ASXL3: variants seen among roughly 807,000 people sequenced by gnomAD.
The protein encoded by ASXL3 is ASXL transcriptional regulator 3.
In ASXL3, 34 loss-of-function variants were observed where a neutral mutation model predicts 170.6. That is an observed-to-expected ratio of 0.20 (90% CI 0.15 to 0.27). ASXL3 has a LOEUF of 0.27. ASXL3 is among the 10% of genes least tolerant of loss of function. The probability of loss-of-function intolerance (pLI) is 1.00; values close to 1 mark genes in which losing one functional copy is unlikely to be tolerated. For missense variants in ASXL3, 2,592 were observed against 2,695.3 expected (o/e 0.96, Z 0.85); for synonymous variants, 1,002 against 989.1 (o/e 1.01, Z -0.24).
chr18:33,727,792 AAAATT>A (rs555748666), intron 8 of ASXL3, among the ~76,000 whole-genome samples: 13 of 152,330 alleles, frequency 8.5e-5, no homozygotes, highest in Non-Finnish European at 7.4e-5. Flanking sequence ...TAAAACCCAT[AAAATT>A]AATCGTGTAT....
intron 1 of ASXL3, among the ~76,000 whole-genome samples, chr18:33,589,277 T>C (rs2065059098): frequency 6.6e-6 from 1 of 152,178 alleles, no homozygotes; most frequent in Non-Finnish European, 1.5e-5. Flanking sequence ...TGTAGCGTAG[T>C]TTTGTGTCTG....
At chr18:33,584,490 A>C (rs751233259) in intron 1 of ASXL3, among the ~76,000 whole-genome samples, 2 of 152,168 alleles carry the variant, frequency 1.3e-5, no homozygotes, top group African/African-American at 2.4e-5. Flanking sequence ...GTATTTGTAC[A>C]GTGATGGGGG....
chr18:33,671,897 A>G, intron 7 of ASXL3, 31 bp downstream of exon 7: 1 of 1,455,774 alleles, frequency 6.9e-7, no homozygotes, highest in Non-Finnish European at 9.1e-7. Context: ...GCCATTTCAC[A>G]TTTTAGAAAT....
chr18:33,699,106 A>AGAGAGACACAGAGAGG (rs1281094522), intron 8 of ASXL3, among the ~76,000 whole-genome samples: 3 of 152,176 alleles, frequency 2.0e-5, no homozygotes, highest in African/African-American at 7.2e-5. Flanking sequence ...ACTTTTCAAA[A>AGAGAGACACAGAGAGG]GAGAGACACA....
At position 33,743,929 on chromosome 18, in the gene ASXL3, C is replaced by A; in HGVS notation, c.4081C>A (p.Pro1361Thr). ...PNLSTSSVLI[P>T]PMGINNRFPS... is the part of the protein sequence containing the mutation. Reference sequence around the variant, plus strand: ...CCTCTCCACTAGCTCTGTCTTGATTCCCCCAATGGGAATTAACAACAGATT... The same window carrying A: ...CCTCTCCACTAGCTCTGTCTTGATTACCCCAATGGGAATTAACAACAGATT... The change falls in exon 12 of 12, where the codon CCC becomes ACC. Residue 1361 changes from proline (P) to threonine (T), a missense_variant. Around this residue, in one of 4 missense-constraint regions of ASXL3, gnomAD observed 2,246 missense variants for 2,219.6 expected, o/e 1.01. Coordinates refer to ENST00000269197, the MANE Select transcript of ASXL3 (RefSeq NM_030632.3). 4 of 1,613,988 alleles carry A rather than the reference C, an allele frequency of 2.5e-6. No homozygotes were observed. Among genetic ancestry groups the A allele is most frequent in the Middle Eastern group, 1.6e-4 (1 of 6,062 alleles).
At position 33,609,022 on chromosome 18, in the gene ASXL3, C is replaced by T. The variant is rs777567914; in HGVS notation, c.137+1346C>T. The T allele has an allele frequency of 8.3e-5, 82 of 984,458 alleles. 1 individual carries two copies. The highest frequency in any genetic ancestry group is 6.8e-4 in the Admixed American group (11 of 16,170). The allele number at this position is 984,458 out of a possible 1,614,324, so 61.0% of individuals were successfully genotyped here. The stretch of plus-strand genomic sequence containing the variant: ...GAAATAGCCTAAGATAATATAACCA[C>T]GCTGTGTTTGTGCTAGTTGTTCCCC... On this transcript the variant is annotated intron_variant, in intron 2 of 11. Transcript: ENST00000269197.
At position 33,743,980 on chromosome 18, in the gene ASXL3, G is replaced by C. The variant is rs1262169829; in HGVS notation, c.4132G>C (p.Gly1378Arg). 3.1e-5 allele frequency: 50 copies of C among 1,613,888 alleles called. No individual in the cohort carries two copies. The highest frequency in any genetic ancestry group is 4.2e-5 in the Non-Finnish European group (49 of 1,179,904). Residue 1378 changes from glycine (G) to arginine (R), a missense_variant, in exon 12 of 12, where the codon GGG (glycine) becomes CGG (arginine). Coordinates refer to ENST00000269197, the MANE Select transcript of ASXL3 (RefSeq NM_030632.3). ...RFPSEKIAIP[G>R]SEEQATVSMG... Reference sequence around the variant, plus strand: ...TCCTTCTGAGAAGATAGCCATACCTGGGAGTGAAGAACAGGCCACTGTATC... The same window carrying C: ...TCCTTCTGAGAAGATAGCCATACCTCGGAGTGAAGAACAGGCCACTGTATC...
At chr18:33,681,915 T>C (rs1209381888) in intron 7 of ASXL3, among the ~76,000 whole-genome samples, 1 of 152,218 alleles carries the variant, frequency 6.6e-6, no homozygotes, top group South Asian at 2.1e-4. Context: ...CTCAATAATT[T>C]TTCCCCTGTT....
At chr18:33,687,552 C>A (rs1432824810) in intron 8 of ASXL3, among the ~76,000 whole-genome samples, 1 of 152,150 alleles carries the variant, frequency 6.6e-6, no homozygotes, top group African/African-American at 2.4e-5. Flanking sequence ...CTAAAAGGGC[C>A]TCCTACTCTG....
At chr18:33,581,934 C>A (rs1427094845) in intron 1 of ASXL3, among the ~76,000 whole-genome samples, 5 of 152,012 alleles carry the variant, frequency 3.3e-5, no homozygotes, top group African/African-American at 1.2e-4. Context: ...CTTTTTTTCC[C>A]CTTCTTTTTT....
intron 2 of ASXL3, among the ~76,000 whole-genome samples, chr18:33,642,923 G>A (rs1006817717): frequency 6.6e-6 from 1 of 151,948 alleles, no homozygotes; most frequent in East Asian, 1.9e-4. Context: ...CTGAATCTGA[G>A]TTGTTGGAAT....
At position 33,599,921 on chromosome 18, in the gene ASXL3, G is replaced by A. The variant is rs72958101; in HGVS notation, c.55-7673G>A. On this transcript the variant is annotated intron_variant, in intron 1 of 11. Coordinates refer to ENST00000269197, the MANE Select transcript of ASXL3 (RefSeq NM_030632.3). ...TTTTAGTTGAGTGACAATGTGAGGT[G>A]GCTGCTGAAAAAAAGCACGTCATAT... Among the ~76,000 whole-genome samples, 1,202 of 152,046 alleles carry A rather than the reference G, an allele frequency of 7.9e-3. 14 individuals carry two copies. Among genetic ancestry groups the A allele is most frequent in the South Asian group, 0.051 (248 of 4,824 alleles).
intron 8 of ASXL3, among the ~76,000 whole-genome samples, chr18:33,706,566 G>T (rs2066963441): frequency 6.6e-6 from 1 of 151,792 alleles, no homozygotes. Context: ...GTTTTAGTTT[G>T]CATTTATCTG....
At chr18:33,687,284 T>C (rs1413321149) in intron 8 of ASXL3, among the ~76,000 whole-genome samples, 1 of 152,194 alleles carries the variant, frequency 6.6e-6, no homozygotes, top group Non-Finnish European at 1.5e-5. Flanking sequence ...AAACTGCTGC[T>C]GTTTTAGTCT....
In ASXL3 at chr18:33,748,914, A is replaced by T. The variant is rs551260764; in HGVS notation, c.*2319A>T. 6.6e-6 allele frequency: 1 copy of T among 152,284 alleles called. No homozygotes were observed. Among genetic ancestry groups the T allele is most frequent in the East Asian group, 1.9e-4 (1 of 5,174 alleles). 9.4% of individuals were successfully genotyped at this position (152,284 alleles called of 1,614,324 possible). A position where few individuals can be genotyped will look rare whatever the true frequency, so the allele number is the denominator to read the frequency against. On this transcript the variant is annotated 3_prime_UTR_variant, in exon 12 of 12. Transcript: ENST00000269197. ...CTGATGAGATACTGAGCTCATTATC[A>T]GTTCCTTCATTGTTGAATACTGCCT...
intron 8 of ASXL3, among the ~76,000 whole-genome samples, chr18:33,723,939 AG>A (rs528933820): frequency 2.2e-3 from 342 of 152,326 alleles, no homozygotes; most frequent in Non-Finnish European, 3.5e-3. Context: ...CTGAAAGCTC[AG>A]ATTACTGTTA....
At chr18:33,704,882 G>A (rs1354371536) in intron 8 of ASXL3, among the ~76,000 whole-genome samples, 1 of 151,860 alleles carries the variant, frequency 6.6e-6, no homozygotes, top group East Asian at 1.9e-4. Context: ...AAGTGGTTCA[G>A]TTTACCCAGT....
At chr18:33,693,428 G>T (rs2066718775) in intron 8 of ASXL3, among the ~76,000 whole-genome samples, 1 of 152,180 alleles carries the variant, frequency 6.6e-6, no homozygotes, top group South Asian at 2.1e-4. Context: ...GAAGAAAAAA[G>T]TATTGATTTC....
At position 33,646,367 on chromosome 18, in the gene ASXL3, A is replaced by G; in HGVS notation, c.355+14A>G. The G allele has an allele frequency of 6.4e-7, 1 of 1,555,948 alleles. No individual in the cohort carries two copies. The highest frequency in any genetic ancestry group is 8.8e-7 in the Non-Finnish European group (1 of 1,131,928). On this transcript the variant is annotated intron_variant, in intron 4 of 11. Transcript: ENST00000269197. ...AAGAAAATGGAGGTAAGTGTGATGA[A>G]TTCCAAAATATAATCCCTTGTTCTC...
Sources: allele counts gnomAD v4.1 joint callset (sites outside exome capture counted in the v4.1 genomes callset), GRCh38; gene constraint gnomAD v4.1.1; regional missense constraint gnomAD v4.1.1; transcripts MANE v1.5; gene names NCBI Gene and HGNC (gene_info 2026-07-23, HGNC 2026-07-21).